WWOX: variants seen among roughly 807,000 people sequenced by gnomAD.
WWOX encodes the protein WW domain-containing oxidoreductase.
Under a neutral mutation model 46.2 loss-of-function variants are expected in WWOX, and 69 were observed. The ratio of observed to expected loss-of-function variants is 1.49; its 90% CI spans 1.23 to 1.82. WWOX has a LOEUF of 1.82. Among genes scored for constraint, WWOX ranks in the 40% most tolerant of loss-of-function variants. The pLI is 0.00. For missense variants in WWOX, 919 were observed against 542.6 expected, an observed-to-expected ratio of 1.69 and a Z score of -6.89; for synonymous variants, 359 against 202.6, an observed-to-expected ratio of 1.77 and a Z score of -6.56.
intron 6 of WWOX, among the ~76,000 whole-genome samples, chr16:78,414,736 G>A (rs917588939): frequency 3.9e-5 from 6 of 152,152 alleles, no homozygotes; most frequent in African/African-American, 9.7e-5. Flanking sequence ...TCATCCTAAC[G>A]TGGTGGCCTT....
intron 8 of WWOX, among the ~76,000 whole-genome samples, chr16:78,567,773 C>T (rs1026610914): frequency 3.3e-5 from 5 of 151,772 alleles, no homozygotes; most frequent in Non-Finnish European, 7.4e-5. Flanking sequence ...GTTTTTCTCC[C>T]GCAACTGGGC....
intron 8 of WWOX, among the ~76,000 whole-genome samples, chr16:79,041,240 C>G (rs1198443851): frequency 1.3e-5 from 2 of 152,176 alleles, no homozygotes; most frequent in African/African-American, 4.8e-5. Context: ...CGTGTGATGT[C>G]TGTTAATTCT....
intron 5 of WWOX, among the ~76,000 whole-genome samples, chr16:78,255,549 C>T (rs1389605328): frequency 6.6e-6 from 1 of 152,110 alleles, no homozygotes; most frequent in Non-Finnish European, 1.5e-5. Flanking sequence ...TCTCTTGGCA[C>T]TATAGGGGGC....
chr16:78,601,564 C>T (rs1270403478), intron 8 of WWOX, among the ~76,000 whole-genome samples: 2 of 152,162 alleles, frequency 1.3e-5, no homozygotes, highest in African/African-American at 2.4e-5. Context: ...TATATAAGCA[C>T]TTTCCGTTAA....
In WWOX at chr16:78,276,858, A is replaced by G. The variant is rs56165688; in HGVS notation, c.517-110002A>G. On this transcript the variant is annotated intron_variant, in intron 5 of 8. Coordinates refer to ENST00000566780, the MANE Select transcript of WWOX (RefSeq NM_016373.4). ...TCTCCTTGTCCCCATTTTTCTTTGC[A>G]TCTCCGAACTCTCATTAATTTTTCA... 3.4e-3 allele frequency among the ~76,000 whole-genome samples: 524 copies of G among 152,266 alleles called. 3 individuals carry two copies. Among genetic ancestry groups the G allele is most frequent in the Non-Finnish European group, 5.7e-3 (388 of 68,032 alleles).
chr16:78,464,815 C>G (rs989607912), intron 8 of WWOX, among the ~76,000 whole-genome samples: 1 of 152,106 alleles, frequency 6.6e-6, no homozygotes, highest in African/African-American at 2.4e-5. Context: ...ATGTTAGACC[C>G]TCAATAAGGA....
intron 8 of WWOX, among the ~76,000 whole-genome samples, chr16:78,638,071 C>G (rs1375336024): frequency 6.6e-6 from 1 of 152,186 alleles, no homozygotes; most frequent in Non-Finnish European, 1.5e-5. Context: ...CTCCGTACCG[C>G]TTTCCCCAAT....
chr16:79,102,245 C>T (rs568993189), intron 8 of WWOX, among the ~76,000 whole-genome samples: 1 of 152,266 alleles, frequency 6.6e-6, no homozygotes, highest in South Asian at 2.1e-4. Context: ...TAAAAGCTTG[C>T]TGTCTGCTTA....
At chr16:78,718,346 T>C (rs760464237) in intron 8 of WWOX, among the ~76,000 whole-genome samples, 1 of 152,024 alleles carries the variant, frequency 6.6e-6, no homozygotes, top group Non-Finnish European at 1.5e-5. Flanking sequence ...GCCAAAAAAA[T>C]TTAAAAAAAC....
At chr16:78,729,802 G>A (rs1336553076) in intron 8 of WWOX, among the ~76,000 whole-genome samples, 1 of 152,178 alleles carries the variant, frequency 6.6e-6, no homozygotes, top group Non-Finnish European at 1.5e-5. Context: ...AACAGGATTT[G>A]AACCTACAGT....
At position 78,769,185 on chromosome 16, in the gene WWOX, A is replaced by G. The variant is rs372953856; in HGVS notation, c.1056+336433A>G. On this transcript the variant is annotated intron_variant, in intron 8 of 8. Coordinates refer to ENST00000566780, the MANE Select transcript of WWOX (RefSeq NM_016373.4). Reference sequence around the variant, plus strand: ...AATGGAAATTATGTAAGGGCTGCAAAGAGATTCATATATGACTATTTCATG... The same window carrying G: ...AATGGAAATTATGTAAGGGCTGCAAGGAGATTCATATATGACTATTTCATG... 6.6e-5 allele frequency among the ~76,000 whole-genome samples: 10 copies of G among 152,304 alleles called. No individual in the cohort carries two copies. The South Asian group carries it at 1.4e-3, about 22-fold the overall frequency.
intron 8 of WWOX, among the ~76,000 whole-genome samples, chr16:78,622,570 G>C (rs1383939887): frequency 1.3e-5 from 2 of 151,340 alleles, no homozygotes; most frequent in African/African-American, 4.9e-5. Flanking sequence ...AACCCTTGTA[G>C]TTTCTTCCTC....
intron 8 of WWOX, among the ~76,000 whole-genome samples, chr16:78,908,566 T>G (rs1481108301): frequency 6.6e-6 from 1 of 150,528 alleles, no homozygotes; most frequent in Non-Finnish European, 1.5e-5. Flanking sequence ...GTTTAATTCA[T>G]GCAGAGCTGG....
chr16:78,399,852 A>G (rs1438538074), intron 6 of WWOX, among the ~76,000 whole-genome samples: 1 of 152,210 alleles, frequency 6.6e-6, no homozygotes, highest in Non-Finnish European at 1.5e-5. Context: ...TTTTAATAAC[A>G]TGGGAACCAT....
intron 5 of WWOX, among the ~76,000 whole-genome samples, chr16:78,384,902 G>A (rs534439169): frequency 1.7e-4 from 26 of 152,192 alleles, no homozygotes; most frequent in South Asian, 6.2e-4. Context: ...TTCGGAGGCC[G>A]GGGTGGGTGG....
chr16:78,914,615 C>G (rs1431531969), intron 8 of WWOX, among the ~76,000 whole-genome samples: 3 of 151,960 alleles, frequency 2.0e-5, no homozygotes, highest in East Asian at 1.9e-4. Flanking sequence ...AGCAGCGGCT[C>G]ACACCTGTAA....
At chr16:78,644,549 C>T (rs1348557941) in intron 8 of WWOX, among the ~76,000 whole-genome samples, 2 of 152,068 alleles carry the variant, frequency 1.3e-5, no homozygotes, top group African/African-American at 2.4e-5. Context: ...GCAACCTCCG[C>T]CTACCAGGTT....
chr16:78,379,751 A>C (rs1002575480), intron 5 of WWOX, among the ~76,000 whole-genome samples: 1 of 152,208 alleles, frequency 6.6e-6, no homozygotes, highest in African/African-American at 2.4e-5. Flanking sequence ...ATTCCTAGGC[A>C]ATCTGCAATT....
chr16:78,826,353 A>G (rs189783125), intron 8 of WWOX, among the ~76,000 whole-genome samples: 3 of 152,318 alleles, frequency 2.0e-5, no homozygotes, highest in South Asian at 2.1e-4. Flanking sequence ...TCTCAAAACA[A>G]CAGCAACAGA....
Sources: allele counts gnomAD v4.1 joint callset (sites outside exome capture counted in the v4.1 genomes callset), GRCh38; gene constraint gnomAD v4.1.1; transcripts MANE v1.5; gene names NCBI Gene and HGNC (gene_info 2026-07-23, HGNC 2026-07-21).